ATP8A2: variants seen among roughly 807,000 people sequenced by gnomAD.
The protein encoded by ATP8A2 is phospholipid-transporting ATPase IB.
Under a neutral mutation model 165.6 loss-of-function variants are expected in ATP8A2, and 100 were observed. The observed-to-expected ratio is 0.60, with a 90% CI of 0.51 to 0.71. The LOEUF (loss-of-function observed/expected upper bound fraction) is 0.71. Among genes scored for constraint, ATP8A2 ranks in the 30% least tolerant of loss-of-function variants. ATP8A2 has a pLI of 0.00. For synonymous variants in ATP8A2, 543 were observed against 548.8 expected (o/e 0.99, Z 0.15); for missense variants, 1,227 against 1,479.5 (o/e 0.83, Z 2.80).
intron 1 of ATP8A2, among the ~76,000 whole-genome samples, chr13:25,450,027 T>C (rs979581676): frequency 6.6e-5 from 10 of 152,298 alleles, no homozygotes; most frequent in Admixed American, 2.6e-4. Context: ...CCTCTCTGTG[T>C]CCATGTGTTC....
At chr13:25,752,394 G>T (rs2044170983) in intron 25 of ATP8A2, among the ~76,000 whole-genome samples, 1 of 152,008 alleles carries the variant, frequency 6.6e-6, no homozygotes, top group African/African-American at 2.4e-5. Flanking sequence ...CCGGGAAAAG[G>T]TTGCAGTGAG....
intron 35 of ATP8A2, among the ~76,000 whole-genome samples, chr13:25,971,133 G>A (rs1163364209): frequency 6.6e-6 from 1 of 151,886 alleles, no homozygotes; most frequent in Non-Finnish European, 1.5e-5. Context: ...TTCCTAGCCA[G>A]AACACAGTTT....
intron 24 of ATP8A2, among the ~76,000 whole-genome samples, chr13:25,591,837 A>C (rs1413262381): frequency 6.6e-6 from 1 of 152,200 alleles, no homozygotes; most frequent in African/African-American, 2.4e-5. Flanking sequence ...TAGTGCTGCT[A>C]TAAATGTGGA....
At chr13:25,377,606 C>T (rs1231616427) in intron 1 of ATP8A2, among the ~76,000 whole-genome samples, 2 of 152,124 alleles carry the variant, frequency 1.3e-5, no homozygotes, top group East Asian at 1.9e-4. Context: ...TCAAGACCAG[C>T]CTGGCCAACA....
intron 33 of ATP8A2, among the ~76,000 whole-genome samples, chr13:25,888,055 G>A (rs1415058360): frequency 6.8e-6 from 1 of 146,486 alleles, no homozygotes; most frequent in Non-Finnish European, 1.5e-5. Context: ...GAGGCAGAAA[G>A]GAAAGAACCC....
intron 25 of ATP8A2, among the ~76,000 whole-genome samples, chr13:25,709,882 G>A (rs555183745): frequency 6.6e-6 from 1 of 152,242 alleles, no homozygotes; most frequent in East Asian, 1.9e-4. Flanking sequence ...ATTTCTTGAA[G>A]TTTTGAAATA....
chr13:25,429,554 TC>T (rs35291815), intron 1 of ATP8A2, among the ~76,000 whole-genome samples: 89,107 of 151,830 alleles, frequency 0.59, 29,257 homozygotes, highest in East Asian at 0.99. Context: ...CTTGAATGTT[TC>T]CCTTTCAAGT....
intron 30 of ATP8A2, among the ~76,000 whole-genome samples, chr13:25,855,845 T>C (rs1462898080): frequency 6.6e-6 from 1 of 152,206 alleles, no homozygotes; most frequent in African/African-American, 2.4e-5. Flanking sequence ...GGCACCCCGG[T>C]GGGTGTTAAG....
At chr13:25,999,559 C>T (rs1333335667) in intron 35 of ATP8A2, among the ~76,000 whole-genome samples, 1 of 152,196 alleles carries the variant, frequency 6.6e-6, no homozygotes, top group Non-Finnish European at 1.5e-5. Context: ...CACTCCTCCA[C>T]GTCACCTCTC....
chr13:25,860,015 A>C (rs1952298156), intron 30 of ATP8A2, among the ~76,000 whole-genome samples, 180 bp from the exon 31 acceptor site: 1 of 152,202 alleles, frequency 6.6e-6, no homozygotes, highest in African/African-American at 2.4e-5. Context: ...ATTTGGAGAG[A>C]ATATAAGATG....
chr13:25,821,793 T>C (rs2138572159), intron 27 of ATP8A2, among the ~76,000 whole-genome samples: 1 of 152,340 alleles, frequency 6.6e-6, no homozygotes, highest in East Asian at 1.9e-4. Context: ...GCCCACTCAA[T>C]GCCAGTAGGC....
intron 26 of ATP8A2, among the ~76,000 whole-genome samples, chr13:25,773,923 C>T (rs933890559): frequency 5.3e-5 from 8 of 152,208 alleles, no homozygotes; most frequent in African/African-American, 1.9e-4. Flanking sequence ...ACTTTTTAAA[C>T]TACGCAGTTG....
In ATP8A2 at chr13:25,699,251, A is replaced by G. The variant is rs773459953; in HGVS notation, c.2290A>G (p.Ile764Val). 6 of 1,613,366 alleles carry G rather than the reference A, an allele frequency of 3.7e-6. No homozygotes were observed. The highest frequency in any genetic ancestry group is 1.3e-5 in the African/African-American group (1 of 74,910). Reference protein sequence around the residue: ...LGKENDVALIIDGHTLKYALS... With the variant: ...LGKENDVALIVDGHTLKYALS... ...CAAGGAAAATGACGTGGCCCTGATC[A>G]TCGATGGCCACACCCTGAAGTACGC... is the stretch of plus-strand genomic sequence containing the variant. Residue 764 changes from isoleucine (I) to valine (V), a missense_variant, in exon 25 of 37, where the codon ATC becomes GTC. Ile to Val is a conservative substitution (Grantham distance 29). Transcript: ENST00000381655.
intron 30 of ATP8A2, among the ~76,000 whole-genome samples, chr13:25,858,624 T>C (rs558366098): frequency 6.6e-6 from 1 of 152,246 alleles, no homozygotes; most frequent in African/African-American, 2.4e-5. Context: ...TAAATAGATA[T>C]TGATTCTCTA....
intron 33 of ATP8A2, among the ~76,000 whole-genome samples, chr13:25,896,371 A>C (rs1201175867): frequency 1.3e-5 from 2 of 152,160 alleles, no homozygotes; most frequent in East Asian, 3.8e-4. Flanking sequence ...CCTGAGTTCC[A>C]GTTTGATTGC....
chr13:25,982,967 T>A (rs1200083517), intron 35 of ATP8A2, among the ~76,000 whole-genome samples: 1 of 152,232 alleles, frequency 6.6e-6, no homozygotes, highest in East Asian at 1.9e-4. Context: ...ACCACATCAT[T>A]CCATCAAGTT....
chr13:25,951,660 G>A (rs79898251), intron 33 of ATP8A2, among the ~76,000 whole-genome samples: 1,548 of 152,218 alleles, frequency 0.01, 34 homozygotes, highest in African/African-American at 0.036. Context: ...TCTTCCTGGG[G>A]GATGTATATG....
At chr13:25,917,606 G>C (rs1954306828) in intron 33 of ATP8A2, among the ~76,000 whole-genome samples, 1 of 152,218 alleles carries the variant, frequency 6.6e-6, no homozygotes, top group African/African-American at 2.4e-5. Context: ...CCATTACACT[G>C]TGTCACTCAC....
intron 10 of ATP8A2, among the ~76,000 whole-genome samples, chr13:25,549,270 T>A (rs898679701): frequency 1.3e-5 from 2 of 152,004 alleles, no homozygotes; most frequent in Non-Finnish European, 2.9e-5. Context: ...CCATCCTGGC[T>A]AACATGGTGA....
Sources: gnomAD v4.1 joint callset for allele counts (sites outside exome capture counted in the v4.1 genomes callset) on GRCh38, gnomAD v4.1.1 for gene constraint, MANE v1.5 for transcripts, NCBI Gene and HGNC (gene_info 2026-07-23, HGNC 2026-07-21) for gene names.